Variants in ANK1 observed in about 807,000 individuals in gnomAD.
ANK1 encodes ankyrin-1.
ANK1 carries 51 observed loss-of-function variants against 210.4 expected under a neutral mutation model. The observed-to-expected ratio is 0.24, with a 90% CI of 0.19 to 0.31. The LOEUF is 0.31. Among genes scored for constraint, ANK1 ranks in the 10% least tolerant of loss-of-function variants. The probability of loss-of-function intolerance (pLI) is 1.00; values close to 1 mark genes in which losing one functional copy is unlikely to be tolerated. For missense variants in ANK1, 2,051 were observed against 2,504.4 expected, an observed-to-expected ratio of 0.82 and a Z score of 3.86; for synonymous variants, 967 against 1,025.9, an observed-to-expected ratio of 0.94 and a Z score of 1.10.
chr8:41,836,438 C>T (rs942326984), intron 1 of ANK1, among the ~76,000 whole-genome samples: 1 of 152,246 alleles, frequency 6.6e-6, no homozygotes, highest in Non-Finnish European at 1.5e-5. Flanking sequence ...ATTGTGGCTG[C>T]AGGCACCCTG....
At chr8:41,723,282 G>A (rs1028377645) in intron 8 of ANK1, 59 bp from the exon 9 acceptor site, 5 of 1,551,974 alleles carry the variant, frequency 3.2e-6, no homozygotes, top group Non-Finnish European at 1.8e-6. Flanking sequence ...AGGCCATTTG[G>A]AGAGAAGACT....
At position 41,684,655 on chromosome 8, in the gene ANK1, G is replaced by T; in HGVS notation, c.4426C>A (p.Arg1476Ser). Residue 1476 changes from arginine (R) to serine (S), a missense_variant, in exon 37 of 43, where the codon CGT (arginine) becomes AGT (serine). By Grantham distance (110) the Arg-to-Ser change is moderately radical. Transcript: ENST00000289734. ...NLYTALQSID[R>S]GEIVNMLEGS... is the part of the protein sequence containing the mutation. ...TCCAGCATGTTCACGATCTCGCCAC[G>T]GTCAATGCTCTGCAGGGCTGTGTAC... is the stretch of plus-strand genomic sequence containing the variant. The T allele has an allele frequency of 6.2e-7, 1 of 1,613,864 alleles. No homozygotes were observed. Among genetic ancestry groups the T allele is most frequent in the East Asian group, 2.2e-5 (1 of 44,886 alleles).
intron 1 of ANK1, among the ~76,000 whole-genome samples, chr8:41,869,765 A>C (rs1327198792): frequency 6.6e-6 from 1 of 152,202 alleles, no homozygotes; most frequent in Non-Finnish European, 1.5e-5. Context: ...GTCAGCTGAC[A>C]CCAGACTGCA....
intron 1 of ANK1, among the ~76,000 whole-genome samples, chr8:41,786,824 G>T (rs1846511564): frequency 6.6e-6 from 1 of 152,248 alleles, no homozygotes; most frequent in Admixed American, 6.5e-5. Flanking sequence ...TCATCCTACA[G>T]ATGCTTTTTA....
At chr8:41,808,664 T>TAA (rs1418824547) in intron 1 of ANK1, among the ~76,000 whole-genome samples, 1 of 152,010 alleles carries the variant, frequency 6.6e-6, no homozygotes, top group Non-Finnish European at 1.5e-5. Context: ...AGACTCTGTC[T>TAA]AAAAAAATAA....
At chr8:41,771,513 T>A (rs1361291428) in intron 1 of ANK1, among the ~76,000 whole-genome samples, 1 of 152,212 alleles carries the variant, frequency 6.6e-6, no homozygotes, top group Admixed American at 6.5e-5. Flanking sequence ...AACTTGCTAG[T>A]GAGATCAAAA....
intron 1 of ANK1, among the ~76,000 whole-genome samples, chr8:41,766,687 G>A (rs2150727353): frequency 6.6e-6 from 1 of 152,320 alleles, no homozygotes; most frequent in African/African-American, 2.4e-5. Context: ...ACTTGATGCT[G>A]TGCTCATCTA....
intron 26 of ANK1, among the ~76,000 whole-genome samples, chr8:41,695,644 C>T (rs1820692408): frequency 1.3e-5 from 2 of 152,270 alleles, no homozygotes; most frequent in South Asian, 4.1e-4. Context: ...CACCTGACAT[C>T]CCTAGACGGG....
rs1027160830 is a variant in ANK1 at position 41,704,431 on chromosome 8, G to A, written c.2139C>T (p.Asn713=). Reference sequence around the variant, plus strand: ...GCAGCAGAAACTTCACCAGCTTGATGTTTCCATAGTGACTGGCCACATGGA... The same window carrying A: ...GCAGCAGAAACTTCACCAGCTTGATATTTCCATAGTGACTGGCCACATGGA... ...TPLHVASHYG[N]IKLVKFLLQH... Residue 713 remains asparagine, a synonymous_variant, in exon 19 of 43, where the codon AAC becomes AAT. Transcript: ENST00000289734. The surrounding 1 kb of genome is among the most constrained non-coding windows in gnomAD (Gnocchi z 4.1). 1.2e-6 allele frequency: 2 copies of A among 1,614,192 alleles called. No individual in the cohort carries two copies. The highest frequency in any genetic ancestry group is 2.2e-5 in the South Asian group (2 of 91,086).
chr8:41,729,529 C>A (rs765743454), intron 3 of ANK1, among the ~76,000 whole-genome samples: 37 of 152,308 alleles, frequency 2.4e-4, no homozygotes, highest in Admixed American at 1.3e-4. Context: ...TAGGTGGGGA[C>A]TAAGGCGTGT....
At chr8:41,723,938 C>A (rs4595112) in intron 7 of ANK1, among the ~76,000 whole-genome samples, 8,145 of 151,438 alleles carry the variant, frequency 0.054, 719 homozygotes, top group African/African-American at 0.18. Context: ...TACAGGCACG[C>A]GCCACCATGC....
upstream of ANK1, among the ~76,000 whole-genome samples, chr8:41,799,728 G>A (rs1456409604): frequency 2.6e-5 from 4 of 152,070 alleles, no homozygotes; most frequent in Admixed American, 1.3e-4. Flanking sequence ...TTTAACCCCA[G>A]AACTAGGTCA....
chr8:41,884,813 C>G (rs1181658976), intron 1 of ANK1, among the ~76,000 whole-genome samples: 2 of 152,102 alleles, frequency 1.3e-5, no homozygotes, highest in African/African-American at 4.8e-5. Flanking sequence ...GCCTGGGAGA[C>G]AGGGTGAGAC....
At position 41,797,614 on chromosome 8, in the gene ANK1, G is replaced by A. The variant is rs1849021926; in HGVS notation, c.-76C>T. The A allele has an allele frequency of 6.3e-7, 1 of 1,599,970 alleles. No homozygotes were observed. The highest frequency in any genetic ancestry group is 1.1e-5 in the South Asian group (1 of 89,218). On this transcript the variant is annotated 5_prime_UTR_variant, in exon 1 of 43. Coordinates refer to ENST00000289734, the MANE Select transcript of ANK1 (RefSeq NM_000037.4). The surrounding 1 kb of genome is among the most constrained non-coding windows in gnomAD (Gnocchi z 4.0). ...AGCAGCTGGGGCTGGCGGACTCACC[G>A]CAGCCTCTGCGGGGCCTGTGACGTG...
intron 1 of ANK1, among the ~76,000 whole-genome samples, chr8:41,817,833 A>C (rs1376466414): frequency 6.6e-6 from 1 of 152,238 alleles, no homozygotes; most frequent in Non-Finnish European, 1.5e-5. Context: ...TGCATGAGGC[A>C]TCTCCAAAGA....
intron 1 of ANK1, among the ~76,000 whole-genome samples, chr8:41,780,883 CA>C (rs1332957225): frequency 6.9e-6 from 1 of 145,316 alleles, no homozygotes; most frequent in African/African-American, 2.6e-5. Context: ...GAGTGGGTCC[CA>C]GGGGGTTAGT....
At chr8:41,846,349 G>A (rs887066321) in intron 1 of ANK1, among the ~76,000 whole-genome samples, 10 of 152,236 alleles carry the variant, frequency 6.6e-5, no homozygotes, top group African/African-American at 2.4e-4. Flanking sequence ...TGCCCTTAAA[G>A]GCCCTTTCCA....
In ANK1 at chr8:41,661,468, A is replaced by G. The variant is rs753364369; in HGVS notation, c.5641T>C (p.Ter1881ArgextTer21). The G allele has an allele frequency of 1.2e-6, 2 of 1,613,828 alleles. No homozygotes were observed. The highest frequency in any genetic ancestry group is 1.7e-6 in the Non-Finnish European group (2 of 1,179,986). ...ACTCCAAGGAGAGCGGCTCGGGGTCACTGTTTCCCCCTTTTCAGGCTGGCC... is the reference window on the plus strand; with the variant it reads ...ACTCCAAGGAGAGCGGCTCGGGGTCGCTGTTTCCCCCTTTTCAGGCTGGCC... Reference protein sequence around the residue: ...KRASLKRGKQ* With the variant: ...KRASLKRGKQR Residue 1881 changes from the stop codon to arginine (R), a stop_lost, in exon 42 of 43, where the codon TGA becomes CGA. Coordinates refer to ENST00000289734, the MANE Select transcript of ANK1 (RefSeq NM_000037.4).
intron 2 of ANK1, among the ~76,000 whole-genome samples, chr8:41,752,628 C>T (rs2150704276): frequency 6.6e-6 from 1 of 152,300 alleles, no homozygotes; most frequent in East Asian, 1.9e-4. Context: ...ATGGTGCCAC[C>T]ACCCACCTGC....
Sources: allele counts gnomAD v4.1 joint callset (sites outside exome capture counted in the v4.1 genomes callset), GRCh38; gene constraint gnomAD v4.1.1; non-coding constraint Gnocchi (gnomAD v3.1); transcripts MANE v1.5; gene names NCBI Gene and HGNC (gene_info 2026-07-23, HGNC 2026-07-21).